Variants in MAPT observed in about 807,000 individuals in gnomAD.
The protein encoded by MAPT is microtubule-associated protein tau.
MAPT carries 34 observed loss-of-function variants against 67.9 expected under a neutral mutation model. The observed-to-expected ratio is 0.50, with a 90% CI of 0.38 to 0.67. The LOEUF is 0.67. Ranked by LOEUF, MAPT falls within the 30% of genes least tolerant of loss-of-function variation. MAPT has a pLI of 0.00. For missense variants in MAPT, 881 were observed against 1,115.2 expected, an observed-to-expected ratio of 0.79 and a Z score of 2.99; for synonymous variants, 456 against 464.5, an observed-to-expected ratio of 0.98 and a Z score of 0.23.
chr17:45,903,274 G>A (rs71375323), intron 1 of MAPT, among the ~76,000 whole-genome samples: 1 of 152,086 alleles, frequency 6.6e-6, no homozygotes, highest in Non-Finnish European at 1.5e-5. Context: ...GTCCTGGATC[G>A]GATCCAGTTC....
chr17:45,965,810 A>G (rs1313249002), intron 2 of MAPT, among the ~76,000 whole-genome samples: 1 of 152,074 alleles, frequency 6.6e-6, no homozygotes. Flanking sequence ...TAAGGGATCT[A>G]CCTCAGAATG....
intron 1 of MAPT, among the ~76,000 whole-genome samples, chr17:45,927,371 C>A (rs1477767418): frequency 1.3e-5 from 2 of 152,164 alleles, no homozygotes; most frequent in African/African-American, 4.8e-5. Flanking sequence ...GTGGTTTGCT[C>A]TGCTGACCCA....
At chr17:45,903,601 G>A (rs2063764489) in intron 1 of MAPT, among the ~76,000 whole-genome samples, 1 of 147,094 alleles carries the variant, frequency 6.8e-6, no homozygotes, top group Non-Finnish European at 1.5e-5. Context: ...TGTAGTCCCA[G>A]CTACTCGAGA....
rs1465727114 is a variant in MAPT, at chr17:46,024,096, C to T, written c.2427C>T (p.Ile809=). ...HLSNVSSTGS[I]DMVDSPQLAT... is the part of the protein sequence containing the mutation. ...GCAATGTCTCCTCCACCGGCAGCAT[C>T]GACATGGTAGACTCGCCCCAGCTCG... is the stretch of plus-strand genomic sequence containing the variant. Residue 809 remains isoleucine (I), a synonymous_variant, in exon 13 of 13, where the codon ATC becomes ATT. Coordinates refer to ENST00000262410, the MANE Select transcript of MAPT (RefSeq NM_001377265.1). 18 of 1,614,178 alleles carry T rather than the reference C, an allele frequency of 1.1e-5. No individual in the cohort carries two copies. Among genetic ancestry groups the T allele is most frequent in the Non-Finnish European group, 1.4e-5 (17 of 1,180,032 alleles).
chr17:46,000,309 T>C (rs2074891812), intron 9 of MAPT, among the ~76,000 whole-genome samples: 1 of 152,228 alleles, frequency 6.6e-6, no homozygotes, highest in Non-Finnish European at 1.5e-5. Context: ...TTTGTGCTTT[T>C]CTCTGTTTTC....
chr17:46,016,775 G>T (rs1268685672), intron 11 of MAPT, among the ~76,000 whole-genome samples: 1 of 151,526 alleles, frequency 6.6e-6, no homozygotes, highest in Non-Finnish European at 1.5e-5. Flanking sequence ...AGCAAAAAAA[G>T]AAAGAAAGAA....
At chr17:45,951,971 G>A (rs1399330903) in intron 1 of MAPT, among the ~76,000 whole-genome samples, 1 of 152,128 alleles carries the variant, frequency 6.6e-6, no homozygotes, top group Non-Finnish European at 1.5e-5. Flanking sequence ...AAAACAAGTG[G>A]TCTGAGGAAA....
rs55661512 is a variant in MAPT, at chr17:46,024,409, A to AT, written c.*241dup. ...TTGATGGGTGGGCTAGTAATAAAAT[A>AT]TTTAAAAAAAAACATTCAAAAACAT... On this transcript the variant is annotated 3_prime_UTR_variant, in exon 13 of 13. Coordinates refer to ENST00000262410, the MANE Select transcript of MAPT (RefSeq NM_001377265.1). The AT allele has an allele frequency of 0.16, 92,362 of 583,066 alleles. 9,011 individuals carry two copies. Among genetic ancestry groups the AT allele is most frequent in the Non-Finnish European group, 0.21 (68,841 of 326,290 alleles). 36.1% of individuals were successfully genotyped at this position (583,066 alleles called of 1,614,324 possible). A position where few individuals can be genotyped will look rare whatever the true frequency, so the allele number is the denominator to read the frequency against.
chr17:45,950,241 C>T (rs904539205), intron 1 of MAPT, among the ~76,000 whole-genome samples: 3 of 152,212 alleles, frequency 2.0e-5, no homozygotes, highest in African/African-American at 7.2e-5. Flanking sequence ...ATGTTCCAAA[C>T]AGCACGCAGC....
At chr17:45,970,537 A>G (rs911737066) in intron 2 of MAPT, among the ~76,000 whole-genome samples, 5 of 152,230 alleles carry the variant, frequency 3.3e-5, no homozygotes, top group Admixed American at 6.5e-5. Flanking sequence ...CCTCCTTTAC[A>G]TGGATGAGAA....
intron 1 of MAPT, among the ~76,000 whole-genome samples, chr17:45,960,205 A>T (rs1280098623): frequency 6.6e-6 from 1 of 152,224 alleles, no homozygotes; most frequent in Non-Finnish European, 1.5e-5. Flanking sequence ...TGCCTTTTCA[A>T]ATGTGATCAG....
In MAPT at chr17:45,995,960, T is replaced by G. The variant is rs1205226233; in HGVS notation, c.1733-439T>G. On this transcript the variant is annotated intron_variant, in intron 8 of 12. Coordinates refer to ENST00000262410, the MANE Select transcript of MAPT (RefSeq NM_001377265.1). This position sits in a 1 kb window ranked among gnomAD's most constrained non-coding sequence, Gnocchi z 4.3. ...AGGCCCTGAAGAATTGTATTAGAGG[T>G]TGGCAAAGCATATCTACCACCTCCT... Among the ~76,000 whole-genome samples the G allele has an allele frequency of 1.3e-5, 2 of 152,102 alleles. No individual in the cohort carries two copies. The highest frequency in any genetic ancestry group is 2.9e-5 in the Non-Finnish European group (2 of 68,022).
chr17:45,981,985 C>G (rs1283407316), intron 4 of MAPT, among the ~76,000 whole-genome samples: 2 of 147,508 alleles, frequency 1.4e-5, no homozygotes, highest in Non-Finnish European at 3.0e-5. Flanking sequence ...CACCACTGCA[C>G]TCTAGCCTGG....
intron 2 of MAPT, among the ~76,000 whole-genome samples, chr17:45,966,808 A>G (rs1331571119): frequency 2.6e-5 from 4 of 152,228 alleles, no homozygotes; most frequent in Non-Finnish European, 4.4e-5. Context: ...TATATGCACT[A>G]TATATACTGT....
Position 45,917,784 on chromosome 17 carries a change from C to CT in MAPT, c.-18+23107dup, listed in dbSNP as rs1195621251. Among the ~76,000 whole-genome samples the CT allele has an allele frequency of 6.5e-3, 661 of 101,430 alleles. 9 individuals carry two copies. The highest frequency in any genetic ancestry group is 0.019 in the African/African-American group (631 of 33,756). The allele number at this position is 101,430 out of a possible 152,430, so 66.5% of individuals were successfully genotyped here. ...GATTCCAGCGTCTTTTTTTTTTTTTCTTTTTTTTTAAGACAGAGCCTTGCT... is the reference window on the plus strand; with the variant it reads ...GATTCCAGCGTCTTTTTTTTTTTTTCTTTTTTTTTTAAGACAGAGCCTTGCT... On this transcript the variant is annotated intron_variant, in intron 1 of 12. Transcript: ENST00000262410.
In MAPT at chr17:45,915,341, TGTG is replaced by T. The variant is rs1056282178; in HGVS notation, c.-18+20659_-18+20661del. Among the ~76,000 whole-genome samples the T allele has an allele frequency of 6.7e-5, 10 of 148,874 alleles. No homozygotes were observed. The highest frequency in any genetic ancestry group is 9.9e-5 in the African/African-American group (4 of 40,232). ...GTGTGTGTAGTGTGTGTGTGAAGTATGTGGTGTGTATGTGTGACGTGAGGTGTG... is the reference window on the plus strand; with the variant it reads ...GTGTGTGTAGTGTGTGTGTGAAGTATGTGTGTATGTGTGACGTGAGGTGTG... On this transcript the variant is annotated intron_variant, in intron 1 of 12. Transcript: ENST00000262410. This position sits in a 1 kb window ranked among gnomAD's most constrained non-coding sequence, Gnocchi z 4.4.
At chr17:45,932,611 A>AG in intron 1 of MAPT, among the ~76,000 whole-genome samples, 1 of 151,734 alleles carries the variant, frequency 6.6e-6, no homozygotes, top group Admixed American at 6.6e-5. Flanking sequence ...AAAAAAAAAA[A>AG]AAAAGAACTT....
At chr17:45,974,629 C>T (rs570659329) in intron 3 of MAPT, 33 of 639,700 alleles carry the variant, frequency 5.2e-5, no homozygotes, top group African/African-American at 2.5e-4. Context: ...GTGAGTAGCT[C>T]GATGCCTTGG....
At chr17:45,955,731 T>TTTTTTTTTTTTC (rs1555695390) in intron 1 of MAPT, among the ~76,000 whole-genome samples, 40 of 146,888 alleles carry the variant, frequency 2.7e-4, no homozygotes, top group Admixed American at 2.3e-3. Context: ...ACTCCTTCCT[T>TTTTTTTTTTTTC]TTTTTTTTTT....
Sources: gnomAD v4.1 joint callset for allele counts (sites outside exome capture counted in the v4.1 genomes callset) on GRCh38, gnomAD v4.1.1 for gene constraint, Gnocchi (gnomAD v3.1) non-coding constraint, MANE v1.5 for transcripts, NCBI Gene and HGNC (gene_info 2026-07-23, HGNC 2026-07-21) for gene names.